PATJ: variants seen among roughly 807,000 people sequenced by gnomAD.
The protein encoded by PATJ is PATJ crumbs cell polarity complex component.
PATJ carries 190 observed loss-of-function variants against 224.9 expected under a neutral mutation model. The observed-to-expected ratio is 0.84, with a 90% CI of 0.75 to 0.95. The LOEUF (loss-of-function observed/expected upper bound fraction) is 0.95, where lower values mean the gene tolerates loss of function less well. Ranked by LOEUF, PATJ falls within the 40% of genes least tolerant of loss-of-function variation. The pLI, the probability that PATJ is intolerant of heterozygous loss-of-function variation, is 0.00. For synonymous variants in PATJ, 769 were observed against 820.3 expected (o/e 0.94, Z 1.07); for missense variants, 2,121 against 2,270.3 (o/e 0.93, Z 1.34).
Position 61,901,341 on chromosome 1 carries a change from C to T in PATJ, c.3263C>T (p.Thr1088Ile), listed in dbSNP as rs1393221646. The change falls in exon 24 of 44, where the codon ACT becomes ATT. Residue 1088 changes from threonine (T) to isoleucine (I), a missense_variant. By Grantham distance (89) the Thr-to-Ile change is moderately conservative. Transcript: ENST00000642238. The part of the protein sequence containing the change: ...SLGISIVGGQ[T>I]VIKRLKNGEE... ...GGGATCAGTATTGTTGGTGGACAAA[C>T]TGTTATAAAACGTCTAAAGAATGGA... The T allele has an allele frequency of 1.1e-5, 18 of 1,581,382 alleles. No homozygotes were observed. The highest frequency in any genetic ancestry group is 1.5e-5 in the Non-Finnish European group (18 of 1,169,142).
At chr1:62,029,657 T>A (rs1648818675) in intron 29 of PATJ, among the ~76,000 whole-genome samples, 1 of 152,300 alleles carries the variant, frequency 6.6e-6, no homozygotes, top group Non-Finnish European at 1.5e-5. Context: ...ATGAAGTTAC[T>A]GAGACAAGCC....
chr1:62,108,787 G>T (rs114371914), intron 34 of PATJ, among the ~76,000 whole-genome samples: 2,407 of 152,058 alleles, frequency 0.016, 33 homozygotes, highest in Non-Finnish European at 0.022. Flanking sequence ...TATCAAATGA[G>T]ACTATATAAT....
chr1:61,919,210 C>T (rs566250793), intron 26 of PATJ, among the ~76,000 whole-genome samples: 38 of 151,984 alleles, frequency 2.5e-4, no homozygotes, highest in African/African-American at 8.4e-4. Flanking sequence ...ATTCATTCCC[C>T]TTTTTCACCC....
At chr1:62,031,530 A>G (rs958588716) in intron 29 of PATJ, among the ~76,000 whole-genome samples, 11 of 152,230 alleles carry the variant, frequency 7.2e-5, no homozygotes, top group African/African-American at 2.7e-4. Flanking sequence ...CCTTGCATGT[A>G]TTTTTACCCC....
At position 61,757,530 on chromosome 1, in the gene PATJ, C is replaced by T. The variant is rs544402948; in HGVS notation, c.-35-5328C>T. Among the ~76,000 whole-genome samples, 214 of 151,896 alleles carry T rather than the reference C, an allele frequency of 1.4e-3. 1 individual carries two copies. The highest frequency in any genetic ancestry group is 4.5e-3 in the African/African-American group (187 of 41,428). On this transcript the variant is annotated intron_variant, in intron 1 of 43. Transcript: ENST00000642238. Reference sequence around the variant, plus strand: ...CCCTCTGAGTAGCTGGGACTACAGGCGTGCACCATCACACCCAGCTAATTT... The same window carrying T: ...CCCTCTGAGTAGCTGGGACTACAGGTGTGCACCATCACACCCAGCTAATTT...
At chr1:61,871,553 ATATATT>A (rs1271466225) in intron 20 of PATJ, among the ~76,000 whole-genome samples, 7 of 25,570 alleles carry the variant, frequency 2.7e-4, no homozygotes, top group Admixed American at 8.5e-4. Context: ...ATATATATAT[ATATATT>A]TTTTTTTTTT....
intron 22 of PATJ, 69 bp from the exon 23 acceptor site, chr1:61,899,514 C>A: frequency 9.7e-7 from 1 of 1,028,548 alleles, no homozygotes; most frequent in Non-Finnish European, 1.4e-6. Flanking sequence ...AATTTCAAAA[C>A]CTTCCAAGGA....
At chr1:61,748,798 C>T (rs532487198) in intron 1 of PATJ, among the ~76,000 whole-genome samples, 8 of 150,828 alleles carry the variant, frequency 5.3e-5, no homozygotes, top group Middle Eastern at 3.2e-3. Flanking sequence ...AGGCACGCAC[C>T]GGCACGCACC....
intron 41 of PATJ, among the ~76,000 whole-genome samples, chr1:62,136,377 G>C (rs762416225): frequency 1.3e-5 from 2 of 151,748 alleles, no homozygotes; most frequent in Admixed American, 6.6e-5. Context: ...ATATATTCTG[G>C]TGTCACTAAA....
At position 61,901,918 on chromosome 1, in the gene PATJ, C is replaced by G. The variant is rs139074347; in HGVS notation, c.3381+459C>G. Among the ~76,000 whole-genome samples, 1,071 of 152,158 alleles carry G rather than the reference C, an allele frequency of 7.0e-3. 8 individuals carry two copies. The highest frequency in any genetic ancestry group is 0.024 in the African/African-American group (1,003 of 41,512). The stretch of plus-strand genomic sequence containing the variant: ...ATTCGCACCGGATACGCTCTGTGGG[C>G]GCTAAGTTTTAAAGGCACATCAGGC... On this transcript the variant is annotated intron_variant, in intron 24 of 43. Transcript: ENST00000642238.
At chr1:61,879,313 CA>C (rs1409929023) in intron 21 of PATJ, among the ~76,000 whole-genome samples, 1 of 152,012 alleles carries the variant, frequency 6.6e-6, no homozygotes, top group Non-Finnish European at 1.5e-5. Flanking sequence ...GCACAGATGG[CA>C]TATTGGATGA....
Position 61,992,789 on chromosome 1 carries a change from A to G in PATJ, c.3867+2425A>G, listed in dbSNP as rs555760348. On this transcript the variant is annotated intron_variant, in intron 28 of 43. Transcript: ENST00000642238. ...TCAAACACAAAATTCAGCACTATGT[A>G]TGTGGCAGCAAGCACTGGACTTGGA... is the stretch of plus-strand genomic sequence containing the variant. 6.6e-5 allele frequency among the ~76,000 whole-genome samples: 10 copies of G among 152,306 alleles called. No homozygotes were observed. The South Asian group carries it at 1.9e-3, about 28-fold the overall frequency.
intron 17 of PATJ, among the ~76,000 whole-genome samples, chr1:61,852,791 T>A (rs967576199): frequency 2.0e-5 from 3 of 152,160 alleles, no homozygotes; most frequent in African/African-American, 7.2e-5. Context: ...GCCTCAAGAA[T>A]AGCAGCCACC....
At chr1:62,141,573 G>A (rs1455402005) in intron 41 of PATJ, among the ~76,000 whole-genome samples, 1 of 152,090 alleles carries the variant, frequency 6.6e-6, no homozygotes. Flanking sequence ...TACTCGGGAG[G>A]CTGAGGCACA....
chr1:61,884,564 A>C (rs548426634), intron 22 of PATJ, among the ~76,000 whole-genome samples, 156 bp downstream of exon 22: 2 of 151,274 alleles, frequency 1.3e-5, no homozygotes, highest in Admixed American at 6.6e-5. Flanking sequence ...TTACTATGAG[A>C]ATTTCATATA....
chr1:62,061,370 C>T (rs1004083112), intron 31 of PATJ, among the ~76,000 whole-genome samples: 1 of 151,472 alleles, frequency 6.6e-6, no homozygotes, highest in African/African-American at 2.4e-5. Flanking sequence ...TTAGTGAAGA[C>T]GGGGTTTTGC....
Position 61,801,680 on chromosome 1 carries a change from C to T in PATJ, c.1460C>T (p.Thr487Ile), listed in dbSNP as rs765579066. 8.6e-5 allele frequency: 137 copies of T among 1,601,440 alleles called. No homozygotes were observed. The highest frequency in any genetic ancestry group is 1.1e-4 in the Non-Finnish European group (124 of 1,171,256). The change falls in exon 12 of 44, where the codon ACT becomes ATT. Residue 487 changes from threonine (T) to isoleucine (I), a missense_variant. Physicochemically the swap from Thr to Ile is moderately conservative, Grantham distance 89. Coordinates refer to ENST00000642238, the MANE Select transcript of PATJ (RefSeq NM_001350145.3). ...CTCTTTCTAACTGGAGCAGTGGAAA[C>T]TGAAACTAATGTGGATGGTGAAGAT... ...PALFLTGAVE[T>I]ETNVDGEDEE...
intron 1 of PATJ, among the ~76,000 whole-genome samples, chr1:61,755,338 G>A (rs1645579017): frequency 6.7e-6 from 1 of 150,330 alleles, no homozygotes; most frequent in Non-Finnish European, 1.5e-5. Flanking sequence ...TTAGGAAAAT[G>A]ACAATAAAAC....
intron 38 of PATJ, among the ~76,000 whole-genome samples, chr1:62,122,370 A>T (rs1388874848): frequency 6.6e-6 from 1 of 150,482 alleles, no homozygotes; most frequent in East Asian, 1.9e-4. Flanking sequence ...ATCTAAAAAA[A>T]AAAAAAAAAA....
Sources: allele counts gnomAD v4.1 joint callset (sites outside exome capture counted in the v4.1 genomes callset), GRCh38; gene constraint gnomAD v4.1.1; transcripts MANE v1.5; gene names NCBI Gene and HGNC (gene_info 2026-07-23, HGNC 2026-07-21).